SLC12A1: variants seen among roughly 807,000 people sequenced by gnomAD.
SLC12A1 encodes the protein solute carrier family 12 member 1.
A neutral mutation model predicts 130.4 loss-of-function variants in SLC12A1; 89 were observed. The observed-to-expected ratio is 0.68, with a 90% CI of 0.58 to 0.81. SLC12A1 has a LOEUF of 0.81. Ranked by LOEUF, SLC12A1 falls within the 40% of genes least tolerant of loss-of-function variation. SLC12A1 has a pLI of 0.00. For synonymous variants in SLC12A1, 499 were observed against 460.0 expected (o/e 1.08, Z -1.09); for missense variants, 1,310 against 1,336.4 (o/e 0.98, Z 0.31).
At chr15:48,235,186 G>A in intron 9 of SLC12A1, 182 bp downstream of exon 9, 1 of 703,610 alleles carries the variant, frequency 1.4e-6, no homozygotes, top group East Asian at 2.6e-5. Context: ...TTATATTCCA[G>A]ATAATTCTTC....
rs76616281 is a variant in SLC12A1 at position 48,221,812 on chromosome 15, C to T, written c.628+816C>T. ...GGAAATACATTATGAATTCACTTTC[C>T]GGAGAAGACTTAGTCTCAGGAATAT... On this transcript the variant is annotated intron_variant, in intron 4 of 26. Coordinates refer to ENST00000380993, the MANE Select transcript of SLC12A1 (RefSeq NM_000338.3). Among the ~76,000 whole-genome samples the T allele has an allele frequency of 7.2e-3, 1,091 of 152,148 alleles. 14 individuals carry two copies. The highest frequency in any genetic ancestry group is 0.025 in the African/African-American group (1,052 of 41,496).
At chr15:48,286,038 G>A (rs193069843) in intron 21 of SLC12A1, among the ~76,000 whole-genome samples, 1 of 152,250 alleles carries the variant, frequency 6.6e-6, no homozygotes, top group East Asian at 1.9e-4. Flanking sequence ...TGGTTTCTCT[G>A]GGAGGGTCTC....
chr15:48,282,380 C>T (rs977831307), intron 20 of SLC12A1, among the ~76,000 whole-genome samples: 4 of 152,146 alleles, frequency 2.6e-5, no homozygotes, highest in African/African-American at 9.7e-5. Context: ...TCACTCAGCC[C>T]GCTGACTCCA....
At chr15:48,267,898 T>A (rs2041850364) in intron 18 of SLC12A1, among the ~76,000 whole-genome samples, 197 bp downstream of exon 18, 1 of 152,196 alleles carries the variant, frequency 6.6e-6, no homozygotes, top group African/African-American at 2.4e-5. Flanking sequence ...CAATGAACTA[T>A]GAATGATACA....
intron 19 of SLC12A1, among the ~76,000 whole-genome samples, chr15:48,270,931 T>C (rs1034132226): frequency 6.7e-6 from 1 of 150,152 alleles, no homozygotes; most frequent in African/African-American, 2.4e-5. Flanking sequence ...CTGTAGAAAG[T>C]TGAGCCTTTC....
chr15:48,212,030 A>G (rs913709195), intron 2 of SLC12A1, among the ~76,000 whole-genome samples: 2 of 152,188 alleles, frequency 1.3e-5, no homozygotes, highest in African/African-American at 4.8e-5. Context: ...AAGCTATTGT[A>G]TGAACTACAT....
chr15:48,292,836 C>T (rs2042135235), intron 24 of SLC12A1, among the ~76,000 whole-genome samples: 1 of 152,172 alleles, frequency 6.6e-6, no homozygotes, highest in Non-Finnish European at 1.5e-5. Flanking sequence ...AATACTATCA[C>T]CTGGAAGTTA....
intron 4 of SLC12A1, chr15:48,223,631 A>T (rs1308374121): frequency 1.3e-5 from 2 of 152,218 alleles, no homozygotes; most frequent in Non-Finnish European, 2.9e-5. Context: ...AATGCAAATT[A>T]TATGGTCCTG....
At chr15:48,227,735 G>C (rs12907018) in intron 5 of SLC12A1, 1 of 152,976 alleles carries the variant, frequency 6.5e-6, no homozygotes, top group Non-Finnish European at 1.5e-5. Flanking sequence ...TTGTTGTTCT[G>C]TCTTCCTTTG....
intron 10 of SLC12A1, among the ~76,000 whole-genome samples, chr15:48,242,124 T>C (rs1160468059): frequency 6.6e-6 from 1 of 152,190 alleles, no homozygotes; most frequent in Non-Finnish European, 1.5e-5. Context: ...GCTGGCAGTG[T>C]AGGTGGCCAG....
intron 20 of SLC12A1, among the ~76,000 whole-genome samples, chr15:48,275,044 G>T (rs1374033679): frequency 1.3e-5 from 2 of 152,168 alleles, no homozygotes; most frequent in Admixed American, 1.3e-4. Flanking sequence ...TCTATGAACT[G>T]GTTTGTAGCT....
At chr15:48,232,941 CCT>C in intron 8 of SLC12A1, 103 bp downstream of exon 8, 1 of 710,820 alleles carries the variant, frequency 1.4e-6, no homozygotes. Context: ...GCCTGGCTCC[CCT>C]TTCAAGTTAC....
intron 9 of SLC12A1, among the ~76,000 whole-genome samples, chr15:48,239,375 G>C (rs544499584): frequency 9.2e-5 from 14 of 152,030 alleles, no homozygotes; most frequent in African/African-American, 2.7e-4. Context: ...CTAGCTGGGC[G>C]TGGTGGCACA....
intron 15 of SLC12A1, among the ~76,000 whole-genome samples, chr15:48,254,832 A>T (rs150409954): frequency 6.6e-6 from 1 of 151,170 alleles, no homozygotes; most frequent in African/African-American, 2.4e-5. Context: ...GCTGAGGCAG[A>T]AGAATGGCGT....
rs2041565324 is a variant in SLC12A1 at position 48,245,361 on chromosome 15, GAGT to G, written c.1452+461_1452+463del. On this transcript the variant is annotated intron_variant, in intron 11 of 26. Coordinates refer to ENST00000380993, the MANE Select transcript of SLC12A1 (RefSeq NM_000338.3). ...ACAACAAGTAGCCTCTGTTCACTGTGAGTAGTTCACTCAGGTACTAAGCATAGT... is the reference window on the plus strand; with the variant it reads ...ACAACAAGTAGCCTCTGTTCACTGTGAGTTCACTCAGGTACTAAGCATAGT... 2.0e-5 allele frequency among the ~76,000 whole-genome samples: 3 copies of G among 152,266 alleles called. No homozygotes were observed. In the South Asian group the frequency reaches 6.2e-4, roughly 32 times the overall value.
intron 4 of SLC12A1, chr15:48,226,188 C>A (rs932859157): frequency 3.1e-6 from 1 of 320,962 alleles, no homozygotes; most frequent in Non-Finnish European, 5.5e-6. Flanking sequence ...TCTCTTTTCA[C>A]AGCCAGGATA....
chr15:48,252,781 T>C (rs2041662774), intron 15 of SLC12A1, among the ~76,000 whole-genome samples: 1 of 151,744 alleles, frequency 6.6e-6, no homozygotes, highest in East Asian at 1.9e-4. Flanking sequence ...AGGTGAAGCA[T>C]GAATGACATT....
In SLC12A1 at chr15:48,286,264, C is replaced by A. The variant is rs145705448; in HGVS notation, c.2629+1015C>A. Among the ~76,000 whole-genome samples, 29 of 152,230 alleles carry A rather than the reference C, an allele frequency of 1.9e-4. No individual in the cohort carries two copies. The East Asian group carries it at 5.2e-3, about 27-fold the overall frequency. On this transcript the variant is annotated intron_variant, in intron 21 of 26. Coordinates refer to ENST00000380993, the MANE Select transcript of SLC12A1 (RefSeq NM_000338.3). ...AATGATGGGAAATCCAGATATTGCC[C>A]CACTTCAAATACTCTGGCTACTGTC...
In SLC12A1 at chr15:48,274,545, G is replaced by T. The variant is rs375364168; in HGVS notation, c.2403-26G>T. ...GAGGATTAAAAGAGCCATTTAAAAC[G>T]CTGACTGCTTTGCTTCCTCTTTCAG... On this transcript the variant is annotated intron_variant, in intron 19 of 26. Transcript: ENST00000380993. 1.2e-5 allele frequency: 18 copies of T among 1,542,162 alleles called. No individual in the cohort carries two copies. The African/African-American group carries it at 2.3e-4, about 20-fold the overall frequency.
Sources: allele counts gnomAD v4.1 joint callset (sites outside exome capture counted in the v4.1 genomes callset), GRCh38; gene constraint gnomAD v4.1.1; transcripts MANE v1.5; gene names NCBI Gene and HGNC (gene_info 2026-07-23, HGNC 2026-07-21).